MECOM: variants seen among roughly 807,000 people sequenced by gnomAD.
MECOM encodes MDS1 and EVI1 complex locus.
Under a neutral mutation model 116.3 loss-of-function variants are expected in MECOM, and 13 were observed. The observed-to-expected ratio is 0.11, with a 90% confidence interval of 0.07 to 0.18. The LOEUF (loss-of-function observed/expected upper bound fraction) is 0.18, where lower values mean the gene tolerates loss of function less well. Ranked by LOEUF, MECOM falls within the 10% of genes least tolerant of loss-of-function variation. MECOM has a pLI of 1.00. For synonymous variants in MECOM, 528 were observed against 535.2 expected (o/e 0.99, Z 0.19); for missense variants, 1,299 against 1,509.0 (o/e 0.86, Z 2.31).
chr3:169,135,560 G>T (rs35475880), intron 3 of MECOM, among the ~76,000 whole-genome samples: 22,060 of 151,736 alleles, frequency 0.15, 2,183 homozygotes, highest in Non-Finnish European at 0.2. Context: ...TTTTAAAACC[G>T]TGTTAACTCC....
At chr3:169,303,513 T>C (rs1717137057) in intron 2 of MECOM, among the ~76,000 whole-genome samples, 1 of 152,170 alleles carries the variant, frequency 6.6e-6, no homozygotes, top group Non-Finnish European at 1.5e-5. Flanking sequence ...AGTGTAAAGA[T>C]GTGAACACTC....
intron 1 of MECOM, among the ~76,000 whole-genome samples, chr3:169,473,487 A>G (rs1749871438): frequency 6.6e-6 from 1 of 152,176 alleles, no homozygotes; most frequent in South Asian, 2.1e-4. Flanking sequence ...AACACCAGAT[A>G]CGGCAGGGCG....
intron 14 of MECOM, among the ~76,000 whole-genome samples, chr3:169,092,349 A>C (rs1046094666): frequency 6.6e-6 from 1 of 151,970 alleles, no homozygotes; most frequent in Admixed American, 6.6e-5. Context: ...TCTATGTAAA[A>C]TATATTTGGG....
intron 2 of MECOM, among the ~76,000 whole-genome samples, chr3:169,368,059 G>C (rs144049112): frequency 6.6e-6 from 1 of 152,132 alleles, no homozygotes; most frequent in African/African-American, 2.4e-5. Flanking sequence ...CTTTAAAGAC[G>C]TAGTTTTTGG....
intron 2 of MECOM, among the ~76,000 whole-genome samples, chr3:169,364,649 G>A (rs1403949578): frequency 6.6e-6 from 1 of 151,990 alleles, no homozygotes; most frequent in Non-Finnish European, 1.5e-5. Flanking sequence ...CATCCCAAGT[G>A]ACAAAGTACC....
chr3:169,344,245 T>C (rs1725002885), intron 2 of MECOM, among the ~76,000 whole-genome samples: 1 of 152,116 alleles, frequency 6.6e-6, no homozygotes, highest in Non-Finnish European at 1.5e-5. Context: ...GTGTTTTTTG[T>C]GTAAAATTAT....
intron 2 of MECOM, among the ~76,000 whole-genome samples, chr3:169,311,813 A>G (rs991545783): frequency 2.6e-5 from 4 of 152,190 alleles, no homozygotes; most frequent in South Asian, 2.1e-4. Context: ...GACCTTCTTC[A>G]TGAATTCTGC....
intron 2 of MECOM, among the ~76,000 whole-genome samples, chr3:169,242,757 T>C (rs1217790535): frequency 6.6e-6 from 1 of 152,110 alleles, no homozygotes; most frequent in East Asian, 1.9e-4. Context: ...TCATGGTAGG[T>C]TATCTTTTCC....
At chr3:169,426,186 A>G (rs1362914264) in intron 1 of MECOM, among the ~76,000 whole-genome samples, 2 of 152,176 alleles carry the variant, frequency 1.3e-5, no homozygotes, top group South Asian at 2.1e-4. Context: ...TGCTCCATCC[A>G]TTGTAACACA....
intron 2 of MECOM, among the ~76,000 whole-genome samples, chr3:169,213,493 T>C (rs1055467126): frequency 2.6e-5 from 4 of 152,294 alleles, no homozygotes; most frequent in Non-Finnish European, 5.9e-5. Context: ...CTCCATGTTC[T>C]CAACTTTTAT....
At chr3:169,638,125 A>G (rs752305125) in intron 1 of MECOM, among the ~76,000 whole-genome samples, 25 of 152,200 alleles carry the variant, frequency 1.6e-4, no homozygotes, top group Admixed American at 6.5e-5. Context: ...ATTCTTATGT[A>G]GTAGATAATT....
At chr3:169,447,049 G>A (rs1387632749) in intron 1 of MECOM, among the ~76,000 whole-genome samples, 2 of 152,152 alleles carry the variant, frequency 1.3e-5, no homozygotes, top group Admixed American at 6.5e-5. Flanking sequence ...GATCCTCATT[G>A]TAAAATATTG....
chr3:169,103,629 T>C (rs1210919701), intron 10 of MECOM, among the ~76,000 whole-genome samples: 3 of 152,158 alleles, frequency 2.0e-5, no homozygotes, highest in Non-Finnish European at 4.4e-5. Context: ...CTTTTGCTAA[T>C]GAGACAGCAG....
At chr3:169,110,976 A>T (rs527411491) in intron 9 of MECOM, among the ~76,000 whole-genome samples, 1 of 152,178 alleles carries the variant, frequency 6.6e-6, no homozygotes, top group East Asian at 1.9e-4. Flanking sequence ...AAAATATAAC[A>T]TATTTGCTCT....
At chr3:169,167,297 CTG>C (rs2149361509) in intron 2 of MECOM, among the ~76,000 whole-genome samples, 1 of 152,324 alleles carries the variant, frequency 6.6e-6, no homozygotes, top group East Asian at 1.9e-4. Context: ...TATTCACCCC[CTG>C]TGCCTTCTCC....
chr3:169,197,349 A>AAAT (rs1285391791), intron 2 of MECOM, among the ~76,000 whole-genome samples: 328 of 150,710 alleles, frequency 2.2e-3, no homozygotes, highest in African/African-American at 7.9e-3. Flanking sequence ...TAAATAAAAT[A>AAAT]AAATAAAATA....
intron 2 of MECOM, among the ~76,000 whole-genome samples, chr3:169,236,117 C>A (rs891371583): frequency 6.6e-6 from 1 of 152,082 alleles, no homozygotes. Context: ...ATGATTTTGT[C>A]CAACTGCAGG....
At chr3:169,567,943 G>A (rs1316071044) in intron 1 of MECOM, among the ~76,000 whole-genome samples, 1 of 152,182 alleles carries the variant, frequency 6.6e-6, no homozygotes, top group Non-Finnish European at 1.5e-5. Context: ...TGGCTGAATA[G>A]GAACAACTCC....
intron 1 of MECOM, among the ~76,000 whole-genome samples, chr3:169,584,560 A>G (rs1018605798): frequency 5.3e-4 from 44 of 82,910 alleles, no homozygotes; most frequent in Non-Finnish European, 8.2e-4. Context: ...GCGAAACTCC[A>G]CCTCAAAAAA....
Sources: allele counts gnomAD v4.1 joint callset (sites outside exome capture counted in the v4.1 genomes callset), GRCh38; gene constraint gnomAD v4.1.1; transcripts MANE v1.5; gene names NCBI Gene and HGNC (gene_info 2026-07-23, HGNC 2026-07-21).